INPP5A: variants seen among roughly 807,000 people sequenced by gnomAD.
The protein encoded by INPP5A is 43 kDa inositol polyphosphate 5-phophatase.
Under a neutral mutation model 65.2 loss-of-function variants are expected in INPP5A, and 14 were observed. That is an observed-to-expected ratio of 0.21 (90% CI 0.14 to 0.34). The LOEUF (loss-of-function observed/expected upper bound fraction) is 0.34, where lower values mean the gene tolerates loss of function less well. Ranked by LOEUF, INPP5A falls within the 10% of genes least tolerant of loss-of-function variation. INPP5A has a pLI of 1.00. For missense variants in INPP5A, 431 were observed against 545.6 expected, an observed-to-expected ratio of 0.79 and a Z score of 2.09; for synonymous variants, 207 against 208.3, an observed-to-expected ratio of 0.99 and a Z score of 0.05.
intron 11 of INPP5A, among the ~76,000 whole-genome samples, chr10:132,754,245 T>G (rs1846549032): frequency 6.6e-6 from 1 of 152,210 alleles, no homozygotes; most frequent in Admixed American, 6.5e-5. Context: ...GCCCTGTAGG[T>G]GGGAAGACCC....
chr10:132,600,648 A>C (rs890269367), intron 1 of INPP5A, among the ~76,000 whole-genome samples: 11 of 152,182 alleles, frequency 7.2e-5, no homozygotes, highest in African/African-American at 2.7e-4. Context: ...GTATTAGTTC[A>C]TTTTCACACT....
At chr10:132,624,294 A>G (rs1180141560) in intron 2 of INPP5A, among the ~76,000 whole-genome samples, 2 of 152,352 alleles carry the variant, frequency 1.3e-5, no homozygotes, top group South Asian at 2.1e-4. Flanking sequence ...CTGTGGGCAC[A>G]GAGATGAGCG....
intron 2 of INPP5A, among the ~76,000 whole-genome samples, chr10:132,640,284 G>A (rs1431311175): frequency 3.3e-5 from 5 of 152,358 alleles, no homozygotes; most frequent in South Asian, 2.1e-4. Context: ...GCCTCTGCTC[G>A]CTCACGTGGG....
Position 132,731,032 on chromosome 10 carries a change from G to C in INPP5A, c.732+4127G>C, listed in dbSNP as rs1846075548. On this transcript the variant is annotated intron_variant, in intron 9 of 15. Coordinates refer to ENST00000368594, the MANE Select transcript of INPP5A (RefSeq NM_005539.5). Reference sequence around the variant, plus strand: ...TTGCTGTCCAGCCAGCTTGGGCTCAGCTGCTCCCCAGTGCATCCCTGTTCT... The same window carrying C: ...TTGCTGTCCAGCCAGCTTGGGCTCACCTGCTCCCCAGTGCATCCCTGTTCT... Among the ~76,000 whole-genome samples the C allele has an allele frequency of 3.3e-5, 5 of 152,342 alleles. No individual in the cohort carries two copies. In the South Asian group the frequency reaches 8.3e-4, roughly 25 times the overall value.
intron 1 of INPP5A, among the ~76,000 whole-genome samples, chr10:132,583,615 G>T (rs998421822): frequency 7.2e-5 from 11 of 152,208 alleles, no homozygotes; most frequent in African/African-American, 2.6e-4. Flanking sequence ...TCTGCTGAGC[G>T]TTTTCGCCGT....
intron 9 of INPP5A, among the ~76,000 whole-genome samples, chr10:132,743,224 G>T (rs1404665857): frequency 8.0e-6 from 1 of 125,536 alleles, no homozygotes; most frequent in Non-Finnish European, 1.7e-5. Flanking sequence ...AGCAGGGACC[G>T]GGCCCGGGAG....
At chr10:132,776,007 C>T (rs1235649552) in intron 12 of INPP5A, among the ~76,000 whole-genome samples, 1 of 151,046 alleles carries the variant, frequency 6.6e-6, no homozygotes, top group Non-Finnish European at 1.5e-5. Flanking sequence ...GACATGTGTC[C>T]AGGGGCAGTG....
intron 4 of INPP5A, among the ~76,000 whole-genome samples, chr10:132,666,952 A>T (rs938846259): frequency 2.0e-5 from 3 of 152,288 alleles, no homozygotes; most frequent in South Asian, 2.1e-4. Flanking sequence ...GGTGGTTTTT[A>T]AAAAAGTTAT....
chr10:132,592,834 C>A (rs2133316542), intron 1 of INPP5A, among the ~76,000 whole-genome samples: 1 of 152,272 alleles, frequency 6.6e-6, no homozygotes, highest in South Asian at 2.1e-4. Flanking sequence ...AAAATAACAC[C>A]AGTTTGTTGT....
intron 9 of INPP5A, among the ~76,000 whole-genome samples, chr10:132,735,635 C>G (rs1369524253): frequency 6.6e-6 from 1 of 152,350 alleles, no homozygotes; most frequent in South Asian, 2.1e-4. Context: ...CTCTCACTGC[C>G]GACCGCGTTC....
intron 9 of INPP5A, among the ~76,000 whole-genome samples, chr10:132,744,206 G>C (rs1177578577): frequency 6.6e-6 from 1 of 152,180 alleles, no homozygotes; most frequent in Non-Finnish European, 1.5e-5. Flanking sequence ...GCTTTAAGGT[G>C]GTTTTTCTTC....
At position 132,678,539 on chromosome 10, in the gene INPP5A, G is replaced by A. The variant is rs920578788; in HGVS notation, c.307-11853G>A. On this transcript the variant is annotated intron_variant, in intron 4 of 15. Transcript: ENST00000368594. This position sits in a 1 kb window ranked among gnomAD's most constrained non-coding sequence, Gnocchi z 4.1. ...TGGGTTGTGCTTTGAGACCTGAGCT[G>A]AGGGTTCTGTCCAGCGGTCCTGAGC... Among the ~76,000 whole-genome samples the A allele has an allele frequency of 1.3e-5, 2 of 152,176 alleles. No homozygotes were observed. The highest frequency in any genetic ancestry group is 4.8e-5 in the African/African-American group (2 of 41,444).
At chr10:132,657,716 G>A (rs1482331417) in intron 4 of INPP5A, among the ~76,000 whole-genome samples, 1 of 152,252 alleles carries the variant, frequency 6.6e-6, no homozygotes, top group Non-Finnish European at 1.5e-5. Context: ...AAAATTGATG[G>A]AGTTTACGGA....
intron 1 of INPP5A, among the ~76,000 whole-genome samples, chr10:132,579,031 C>G (rs1357264678): frequency 6.6e-6 from 1 of 152,206 alleles, no homozygotes; most frequent in African/African-American, 2.4e-5. Flanking sequence ...GTTTCCACAC[C>G]TGTATGGTTG....
In INPP5A at chr10:132,543,156, C is replaced by G. The variant is rs181844884; in HGVS notation, c.75+4985C>G. Among the ~76,000 whole-genome samples the G allele has an allele frequency of 8.7e-4, 132 of 152,242 alleles. 1 individual carries two copies. Among genetic ancestry groups the G allele is most frequent in the Admixed American group, 2.7e-3 (41 of 15,296 alleles). ...AATTCACTGGTTTTCAGTATGTTCACAGGGTGTGCAGCTGTCACCACAGGC... is the reference window on the plus strand; with the variant it reads ...AATTCACTGGTTTTCAGTATGTTCAGAGGGTGTGCAGCTGTCACCACAGGC... On this transcript the variant is annotated intron_variant, in intron 1 of 15. Coordinates refer to ENST00000368594, the MANE Select transcript of INPP5A (RefSeq NM_005539.5).
rs916672145 is a variant in INPP5A at position 132,575,529 on chromosome 10, A to G, written c.76-32386A>G. ...ATTCACAATCATTTGGAAACTGGTG[A>G]AAAGGGGAAAGCAATGAGCACTATC... On this transcript the variant is annotated intron_variant, in intron 1 of 15. Coordinates refer to ENST00000368594, the MANE Select transcript of INPP5A (RefSeq NM_005539.5). The surrounding 1 kb of genome is among the most constrained non-coding windows in gnomAD (Gnocchi z 5.4). Among the ~76,000 whole-genome samples, 2 of 152,180 alleles carry G rather than the reference A, an allele frequency of 1.3e-5. No individual in the cohort carries two copies. The highest frequency in any genetic ancestry group is 1.5e-5 in the Non-Finnish European group (1 of 68,034).
chr10:132,680,937 C>G (rs916581122), intron 4 of INPP5A, among the ~76,000 whole-genome samples: 51 of 152,232 alleles, frequency 3.4e-4, no homozygotes, highest in African/African-American at 1.2e-3. Flanking sequence ...GCCTCCCACC[C>G]GCTCCGTGGG....
chr10:132,765,647 A>T (rs565144071), intron 11 of INPP5A, 126 bp from the exon 12 acceptor site: 1 of 669,054 alleles, frequency 1.5e-6, no homozygotes, highest in African/African-American at 1.8e-5. Context: ...CTGGTGACAG[A>T]TGTGGCGGCT....
Position 132,758,303 on chromosome 10 carries a change from G to T in INPP5A, c.904-7470G>T, listed in dbSNP as rs1227664609. On this transcript the variant is annotated intron_variant, in intron 11 of 15. Coordinates refer to ENST00000368594, the MANE Select transcript of INPP5A (RefSeq NM_005539.5). ...CGACCCCACAGGCCAGTGCGATGTT[G>T]TGGGTCCCTGGCTGACCCCACACCC... is the stretch of plus-strand genomic sequence containing the variant. Among the ~76,000 whole-genome samples the T allele has an allele frequency of 1.7e-5, 2 of 114,544 alleles. 1 individual carries two copies. Among genetic ancestry groups the T allele is most frequent in the Non-Finnish European group, 3.9e-5 (2 of 51,930 alleles). 75.1% of individuals were successfully genotyped at this position (114,544 alleles called of 152,430 possible).
Sources: gnomAD v4.1 joint callset for allele counts (sites outside exome capture counted in the v4.1 genomes callset) on GRCh38, gnomAD v4.1.1 for gene constraint, Gnocchi (gnomAD v3.1) non-coding constraint, MANE v1.5 for transcripts, NCBI Gene and HGNC (gene_info 2026-07-23, HGNC 2026-07-21) for gene names.